TBCK: variants seen among roughly 807,000 people sequenced by gnomAD.
The protein encoded by TBCK is TBC1 domain containing kinase.
A neutral mutation model predicts 113.4 loss-of-function variants in TBCK; 99 were observed. That is an observed-to-expected ratio of 0.87 (90% CI 0.74 to 1.03). The LOEUF is 1.03. Among genes scored for constraint, TBCK ranks in the 50% least tolerant of loss-of-function variants. TBCK has a pLI of 0.00. For missense variants in TBCK, 1,045 were observed against 1,061.3 expected (o/e 0.98, Z 0.21); for synonymous variants, 369 against 370.8 (o/e 1.00, Z 0.05).
At chr4:106,061,241 CATGAAGAGTCAATTGAT>C (rs1736009459) in intron 25 of TBCK, among the ~76,000 whole-genome samples, 1 of 151,718 alleles carries the variant, frequency 6.6e-6, no homozygotes, top group African/African-American at 2.4e-5. Flanking sequence ...AGAAATCTTT[CATGAAGAGTCAATTGAT>C]ACGGCAAACG....
intron 25 of TBCK, among the ~76,000 whole-genome samples, chr4:106,072,354 A>G (rs4472215): frequency 0.077 from 11,673 of 152,218 alleles, 512 homozygotes; most frequent in Middle Eastern, 0.18. Context: ...TTCACTTATG[A>G]AACTTAGTTT....
intron 23 of TBCK, among the ~76,000 whole-genome samples, chr4:106,134,413 C>T (rs1483424247): frequency 6.6e-6 from 1 of 152,148 alleles, no homozygotes; most frequent in Non-Finnish European, 1.5e-5. Flanking sequence ...CTATACTATG[C>T]TAGTCTGCTA....
intron 25 of TBCK, among the ~76,000 whole-genome samples, chr4:106,086,453 C>G (rs1325228131): frequency 6.6e-6 from 1 of 151,938 alleles, no homozygotes; most frequent in Non-Finnish European, 1.5e-5. Context: ...GCCTACCAAC[C>G]AAAAAAAGCC....
In TBCK at chr4:106,248,991, C is replaced by G; in HGVS notation, c.659-9G>C. 6.3e-7 allele frequency: 1 copy of G among 1,577,904 alleles called. No individual in the cohort carries two copies. The highest frequency in any genetic ancestry group is 8.6e-7 in the Non-Finnish European group (1 of 1,162,390). Reference sequence around the variant, plus strand: ...AGTGTCATCTACACAATCTATAAAACAGAAAAACTATATGAATAAATGCTA... The same window carrying G: ...AGTGTCATCTACACAATCTATAAAAGAGAAAAACTATATGAATAAATGCTA... On this transcript the variant is annotated splice_polypyrimidine_tract_variant and intron_variant, in intron 7 of 25. Transcript: ENST00000394708.
intron 9 of TBCK, 142 bp from the exon 10 acceptor site, chr4:106,247,429 A>G: frequency 1.5e-6 from 1 of 681,148 alleles, no homozygotes; most frequent in Non-Finnish European, 2.4e-6. Context: ...TGCAGAGTCT[A>G]GATGCATACT....
intron 19 of TBCK, among the ~76,000 whole-genome samples, chr4:106,221,882 G>A (rs188022925): frequency 1.4e-4 from 22 of 152,142 alleles, no homozygotes; most frequent in African/African-American, 5.1e-4. Flanking sequence ...TATTACCTGG[G>A]TGATGAAATA....
At chr4:106,147,548 T>C (rs1439478733) in intron 23 of TBCK, among the ~76,000 whole-genome samples, 2 of 152,168 alleles carry the variant, frequency 1.3e-5, no homozygotes, top group Non-Finnish European at 2.9e-5. Context: ...CTTATGCCTG[T>C]CTTTACTGCA....
At chr4:106,052,136 T>C (rs2149446605) in intron 25 of TBCK, among the ~76,000 whole-genome samples, 1 of 151,984 alleles carries the variant, frequency 6.6e-6, no homozygotes, top group Non-Finnish European at 1.5e-5. Context: ...GGTATAAAAC[T>C]GGTTTTCATA....
chr4:106,315,905 G>C (rs779192073), intron 1 of TBCK, 26 bp downstream of exon 1: 1 of 152,980 alleles, frequency 6.5e-6, no homozygotes, highest in African/African-American at 2.4e-5. Context: ...CTACGACACG[G>C]AAAACTGGAT....
chr4:106,067,847 C>A (rs1286081086), intron 25 of TBCK, among the ~76,000 whole-genome samples: 2 of 152,048 alleles, frequency 1.3e-5, no homozygotes, highest in Non-Finnish European at 2.9e-5. Flanking sequence ...TTCCATTGGT[C>A]TATATGTCTA....
chr4:106,291,505 T>A (rs1239438911), intron 3 of TBCK, among the ~76,000 whole-genome samples: 5 of 152,210 alleles, frequency 3.3e-5, no homozygotes, highest in African/African-American at 1.2e-4. Flanking sequence ...AGCTATCCAA[T>A]GAAGCCATAA....
chr4:106,292,443 G>A (rs899954163), intron 3 of TBCK, among the ~76,000 whole-genome samples: 8 of 151,842 alleles, frequency 5.3e-5, no homozygotes, highest in Admixed American at 1.3e-4. Context: ...GGTGGTGGGC[G>A]CCTGTAGTCC....
intron 22 of TBCK, among the ~76,000 whole-genome samples, chr4:106,186,712 T>C (rs1461947123): frequency 6.6e-6 from 1 of 152,182 alleles, no homozygotes; most frequent in Non-Finnish European, 1.5e-5. Context: ...TTTCTTTTGC[T>C]GTGCAGAAGC....
At chr4:106,082,610 GA>G (rs1207215625) in intron 25 of TBCK, among the ~76,000 whole-genome samples, 14 of 151,862 alleles carry the variant, frequency 9.2e-5, no homozygotes, top group Admixed American at 8.5e-4. Context: ...AAAAAAAATA[GA>G]AAAAAATAAA....
At chr4:106,151,737 CCT>C (rs1748512361) in intron 23 of TBCK, among the ~76,000 whole-genome samples, 2 of 152,030 alleles carry the variant, frequency 1.3e-5, no homozygotes, top group Admixed American at 1.3e-4. Context: ...GAATCTCTTT[CCT>C]TTTTTTGTAT....
chr4:106,289,024 C>G (rs975313689), intron 3 of TBCK, among the ~76,000 whole-genome samples: 1 of 152,148 alleles, frequency 6.6e-6, no homozygotes, highest in Non-Finnish European at 1.5e-5. Context: ...AAAACAAATC[C>G]CAAATCCGAA....
intron 20 of TBCK, among the ~76,000 whole-genome samples, chr4:106,204,223 T>A (rs1298444241): frequency 5.9e-5 from 9 of 152,158 alleles, no homozygotes; most frequent in African/African-American, 2.2e-4. Flanking sequence ...GGTAAGAGGG[T>A]TGCAGGGAAA....
chr4:106,213,488 TG>T, intron 19 of TBCK: 1 of 162,538 alleles, frequency 6.2e-6, no homozygotes, highest in Non-Finnish European at 1.3e-5. Flanking sequence ...TGACAGACAG[TG>T]GGCGCAGGCA....
chr4:106,149,132 G>T (rs918628533), intron 23 of TBCK, among the ~76,000 whole-genome samples: 2 of 152,202 alleles, frequency 1.3e-5, no homozygotes, highest in Non-Finnish European at 2.9e-5. Flanking sequence ...AAGAGAGTTA[G>T]GGCTTTGCTC....
Sources: allele counts gnomAD v4.1 joint callset (sites outside exome capture counted in the v4.1 genomes callset), GRCh38; gene constraint gnomAD v4.1.1; transcripts MANE v1.5; gene names NCBI Gene and HGNC (gene_info 2026-07-23, HGNC 2026-07-21).